Variants in PCCB observed in about 807,000 individuals in gnomAD.
PCCB encodes the protein propionyl-CoA carboxylase subunit beta.
Under a neutral mutation model 60.7 loss-of-function variants are expected in PCCB, and 43 were observed. The ratio of observed to expected loss-of-function variants is 0.71; its 90% CI spans 0.55 to 0.91. The LOEUF (loss-of-function observed/expected upper bound fraction) is 0.91. PCCB is among the 40% of genes least tolerant of loss of function. The pLI is 0.00. For synonymous variants in PCCB, 276 were observed against 255.9 expected (o/e 1.08, Z -0.75); for missense variants, 766 against 702.8 (o/e 1.09, Z -1.02).
chr3:136,327,720 C>A lies in PCCB; in HGVS notation c.1386C>A (p.Val462=), dbSNP rs766074046. Reference sequence around the variant, plus strand: ...CCTGGCCCACCGCAGAGATTGCAGTCATGGGAGCAAAGGTGAGGGCCTCTT... The same window carrying A: ...CCTGGCCCACCGCAGAGATTGCAGTAATGGGAGCAAAGGTGAGGGCCTCTT... ...NYAWPTAEIA[V]MGAKGAVEII... Residue 462 remains valine (V), a synonymous_variant, in exon 13 of 15, where the codon GTC becomes GTA. Transcript: ENST00000251654. 2 of 1,613,478 alleles carry A rather than the reference C, an allele frequency of 1.2e-6. No homozygotes were observed. Among genetic ancestry groups the A allele is most frequent in the East Asian group, 2.2e-5 (1 of 44,870 alleles).
At chr3:136,277,700 T>G (rs1942366882) in intron 5 of PCCB, among the ~76,000 whole-genome samples, 1 of 151,704 alleles carries the variant, frequency 6.6e-6, no homozygotes. Flanking sequence ...GTGTGGGGAG[T>G]AACAGGTGGC....
At chr3:136,276,360 T>C (rs924733500) in intron 5 of PCCB, among the ~76,000 whole-genome samples, 1 of 152,132 alleles carries the variant, frequency 6.6e-6, no homozygotes, top group Non-Finnish European at 1.5e-5. Context: ...AACTCTCAAT[T>C]AGATGCACTG....
At chr3:136,276,014 A>C (rs1576320550) in intron 5 of PCCB, among the ~76,000 whole-genome samples, 1 of 152,048 alleles carries the variant, frequency 6.6e-6, no homozygotes. Context: ...CAGGTGATCC[A>C]CCTGCCTTGG....
chr3:136,292,184 A>G (rs1933723802), intron 6 of PCCB, among the ~76,000 whole-genome samples: 1 of 151,116 alleles, frequency 6.6e-6, no homozygotes, highest in African/African-American at 2.4e-5. Flanking sequence ...AAGGAGTATC[A>G]ACTTTTAGCT....
intron 5 of PCCB, among the ~76,000 whole-genome samples, chr3:136,269,838 A>G (rs1179122248): frequency 6.8e-6 from 1 of 148,022 alleles, no homozygotes; most frequent in African/African-American, 2.5e-5. Context: ...GTGAGCCGAG[A>G]TCGTGCTACT....
At chr3:136,252,472 C>T (rs1214758296) in intron 1 of PCCB, 2 of 363,458 alleles carry the variant, frequency 5.5e-6, no homozygotes, top group Non-Finnish European at 1.1e-5. Context: ...GTCTTGAACT[C>T]CTGACCTCAG....
intron 6 of PCCB, among the ~76,000 whole-genome samples, chr3:136,288,453 C>T (rs1021293781): frequency 6.6e-6 from 1 of 151,748 alleles, no homozygotes; most frequent in Admixed American, 6.6e-5. Flanking sequence ...TCAAGTGATC[C>T]TCCTGCCTCA....
rs759733016 is a variant in PCCB, at chr3:136,330,016, T to A, written c.1610T>A (p.Ile537Asn). Reference protein sequence around the residue: ...VQRPWRKHANIPL With the variant: ...VQRPWRKHANNPL ...CGTCCTTGGAGAAAACATGCAAATA[T>A]TCCATTGTAAACAAATCAAAGGAAA... Residue 537 changes from isoleucine (I) to asparagine (N), a missense_variant, in exon 15 of 15, where the codon ATT becomes AAT. Ile to Asn is a moderately radical substitution (Grantham distance 149, BLOSUM62 -3). Transcript: ENST00000251654. 13 of 1,614,114 alleles carry A rather than the reference T, an allele frequency of 8.1e-6. No homozygotes were observed. Among genetic ancestry groups the A allele is most frequent in the Non-Finnish European group, 1.1e-5 (13 of 1,179,986 alleles).
intron 10 of PCCB, among the ~76,000 whole-genome samples, chr3:136,324,451 T>C (rs1935223087): frequency 6.6e-6 from 1 of 152,212 alleles, no homozygotes; most frequent in African/African-American, 2.4e-5. Context: ...TGTAATAGTG[T>C]TTTCATTTTC....
intron 6 of PCCB, among the ~76,000 whole-genome samples, chr3:136,285,852 CTT>C (rs1383935517): frequency 6.6e-6 from 1 of 152,216 alleles, no homozygotes; most frequent in Non-Finnish European, 1.5e-5. Flanking sequence ...GACTTCCTCT[CTT>C]GTCCTCAGCA....
chr3:136,305,331 ATC>A (rs1321157722), intron 9 of PCCB, among the ~76,000 whole-genome samples: 1 of 120,726 alleles, frequency 8.3e-6, no homozygotes, highest in African/African-American at 2.5e-5. Context: ...GCTTCAAGTG[ATC>A]CACTTGCCTC....
chr3:136,300,049 C>A (rs997480450), intron 8 of PCCB, among the ~76,000 whole-genome samples: 1 of 151,302 alleles, frequency 6.6e-6, no homozygotes, highest in African/African-American at 2.5e-5. Flanking sequence ...TATGCATGCC[C>A]ACACACATGC....
At chr3:136,273,597 CTTTTTTTTTTTTT>C in intron 5 of PCCB, among the ~76,000 whole-genome samples, 12 of 45,234 alleles carry the variant, frequency 2.7e-4, no homozygotes, top group Non-Finnish European at 4.6e-4. Flanking sequence ...TTTCTTTTTT[CTTTTTTTTTTTTT>C]TTTTTTTTTA....
At position 136,318,585 on chromosome 3, in the gene PCCB, T is replaced by G. The variant is rs375801850; in HGVS notation, c.1090+1521T>G. Among the ~76,000 whole-genome samples the G allele has an allele frequency of 5.3e-5, 8 of 152,366 alleles. No homozygotes were observed. The East Asian group carries it at 1.5e-3, about 29-fold the overall frequency. Reference sequence around the variant, plus strand: ...TCTCAGCCTCCAGCCTTTGCTATTCTAAATCTACTTTCTCTCTCTATGAAT... The same window carrying G: ...TCTCAGCCTCCAGCCTTTGCTATTCGAAATCTACTTTCTCTCTCTATGAAT... On this transcript the variant is annotated intron_variant, in intron 10 of 14. Transcript: ENST00000251654.
intron 5 of PCCB, among the ~76,000 whole-genome samples, chr3:136,278,584 T>G (rs905374243): frequency 6.6e-6 from 1 of 152,192 alleles, no homozygotes; most frequent in African/African-American, 2.4e-5. Context: ...TTGATTAATT[T>G]TTACGTGTTT....
At chr3:136,306,963 A>G (rs889279825) in intron 9 of PCCB, among the ~76,000 whole-genome samples, 2 of 123,026 alleles carry the variant, frequency 1.6e-5, no homozygotes, top group African/African-American at 5.0e-5. Context: ...TTTTAAAATA[A>G]GGAGAAATAC....
At chr3:136,277,181 C>T (rs906370430) in intron 5 of PCCB, among the ~76,000 whole-genome samples, 1 of 152,134 alleles carries the variant, frequency 6.6e-6, no homozygotes. Flanking sequence ...CTGGCTTTCT[C>T]GAATGCTGGT....
intron 10 of PCCB, among the ~76,000 whole-genome samples, chr3:136,322,905 AT>A (rs1935157216): frequency 6.6e-6 from 1 of 151,542 alleles, no homozygotes; most frequent in Non-Finnish European, 1.5e-5. Flanking sequence ...TTCTTTTAGC[AT>A]TTTAAATATG....
chr3:136,294,502 G>T (rs1457334634), intron 7 of PCCB, among the ~76,000 whole-genome samples: 1 of 151,856 alleles, frequency 6.6e-6, no homozygotes, highest in Non-Finnish European at 1.5e-5. Context: ...GTAGAGATGG[G>T]GTTTTACCAT....
Sources: allele counts gnomAD v4.1 joint callset (sites outside exome capture counted in the v4.1 genomes callset), GRCh38; gene constraint gnomAD v4.1.1; transcripts MANE v1.5; gene names NCBI Gene and HGNC (gene_info 2026-07-23, HGNC 2026-07-21).